NEDD4: variants seen among roughly 807,000 people sequenced by gnomAD.
NEDD4 encodes the protein E3 ubiquitin-protein ligase NEDD4.
A neutral mutation model predicts 144.9 loss-of-function variants in NEDD4; 99 were observed. The observed-to-expected ratio is 0.68, with a 90% CI of 0.58 to 0.81. The LOEUF (loss-of-function observed/expected upper bound fraction) is 0.81. NEDD4 is among the 30% of genes least tolerant of loss of function. The pLI, the probability that NEDD4 is intolerant of heterozygous loss-of-function variation, is 0.00. For synonymous variants in NEDD4, 318 were observed against 350.6 expected (o/e 0.91, Z 1.04); for missense variants, 985 against 1,065.9 (o/e 0.92, Z 1.06).
chr15:55,944,193 C>A (rs1387286731), intron 4 of NEDD4, among the ~76,000 whole-genome samples: 1 of 152,208 alleles, frequency 6.6e-6, no homozygotes, highest in Admixed American at 6.5e-5. Flanking sequence ...CATTGCCTCA[C>A]CTCGGAAGTG....
Position 55,951,430 on chromosome 15 carries a change from C to T in NEDD4, c.199-16G>A, listed in dbSNP as rs1470930131. The T allele has an allele frequency of 6.1e-6, 7 of 1,150,124 alleles. No individual in the cohort carries two copies. The South Asian group carries it at 7.6e-5, about 12-fold the overall frequency. 71.2% of individuals were successfully genotyped at this position (1,150,124 alleles called of 1,614,324 possible). A position where few individuals can be genotyped will look rare whatever the true frequency, so the allele number is the denominator to read the frequency against. On this transcript the variant is annotated splice_polypyrimidine_tract_variant and intron_variant, in intron 3 of 28. Transcript: ENST00000435532. ...GATTCAAACTCTAAAAAATAATAAA[C>T]ATAGTATAACTAAATAAGGTTTTGT...
intron 5 of NEDD4, among the ~76,000 whole-genome samples, chr15:55,883,696 AACACACACACAC>A (rs3049242): frequency 1.4e-4 from 16 of 112,126 alleles, no homozygotes; most frequent in South Asian, 6.7e-4. Context: ...CACACACACA[AACACACACACAC>A]ACACACACAC....
At chr15:55,906,611 A>G (rs1373199526) in intron 5 of NEDD4, among the ~76,000 whole-genome samples, 1 of 148,472 alleles carries the variant, frequency 6.7e-6, no homozygotes, top group Admixed American at 6.8e-5. Flanking sequence ...GAAGGGGAAC[A>G]TCACACACCG....
intron 5 of NEDD4, among the ~76,000 whole-genome samples, chr15:55,898,084 G>T (rs1280562004): frequency 6.6e-6 from 1 of 152,126 alleles, no homozygotes; most frequent in African/African-American, 2.4e-5. Context: ...CAACTCAAGT[G>T]GACTTAGATT....
At chr15:55,850,214 T>A (rs2033928450) in intron 14 of NEDD4, among the ~76,000 whole-genome samples, 2 of 152,168 alleles carry the variant, frequency 1.3e-5, no homozygotes, top group Admixed American at 6.6e-5. Flanking sequence ...TTAAATGAGA[T>A]ATGGATTCAA....
intron 24 of NEDD4, among the ~76,000 whole-genome samples, chr15:55,834,812 G>C (rs986958551): frequency 2.0e-5 from 3 of 152,132 alleles, no homozygotes; most frequent in Admixed American, 1.3e-4. Flanking sequence ...CAGTAGGTAA[G>C]TGTAAGTTCT....
chr15:55,982,695 T>C (rs1172418896), intron 1 of NEDD4, among the ~76,000 whole-genome samples: 2 of 152,196 alleles, frequency 1.3e-5, no homozygotes, highest in Non-Finnish European at 2.9e-5. Flanking sequence ...AATTATACAT[T>C]TATAATCTGT....
In NEDD4 at chr15:55,830,573, T is replaced by C; in HGVS notation, c.2541A>G (p.Pro847=). The change falls in exon 28 of 29, where the codon CCA becomes CCG. Residue 847 remains proline (P), a synonymous_variant. Coordinates refer to ENST00000435532, the MANE Select transcript of NEDD4 (RefSeq NM_006154.4). ...CCCACTGTTCAACTGTAAATGACTG[T>C]GGTCCATTTGAACCTATAAGGAAGA... ...GFAELYGSNG[P]QSFTVEQWGT... 1 of 1,614,106 alleles carries C rather than the reference T, an allele frequency of 6.2e-7. No homozygotes were observed. Among genetic ancestry groups the C allele is most frequent in the South Asian group, 1.1e-5 (1 of 91,084 alleles).
intron 2 of NEDD4, 129 bp downstream of exon 2, chr15:55,966,344 G>C: frequency 3.4e-6 from 2 of 588,340 alleles, no homozygotes; most frequent in Non-Finnish European, 5.9e-6. Flanking sequence ...CCACCAACTG[G>C]TAATATTATT....
At chr15:55,893,206 A>G (rs1171471385) in intron 5 of NEDD4, among the ~76,000 whole-genome samples, 1 of 152,108 alleles carries the variant, frequency 6.6e-6, no homozygotes, top group Non-Finnish European at 1.5e-5. Flanking sequence ...TTACATTTGT[A>G]TTAGTATCTT....
chr15:55,984,020 A>C (rs2037849892), intron 1 of NEDD4, among the ~76,000 whole-genome samples: 3 of 152,180 alleles, frequency 2.0e-5, no homozygotes, highest in Non-Finnish European at 4.4e-5. Context: ...TAAAATCGGT[A>C]AAGTATATTC....
At chr15:55,973,668 C>T (rs1330046174) in intron 1 of NEDD4, among the ~76,000 whole-genome samples, 1 of 151,990 alleles carries the variant, frequency 6.6e-6, no homozygotes, top group African/African-American at 2.4e-5. Context: ...ACAGTATGCT[C>T]CTGAATGATT....
intron 6 of NEDD4, among the ~76,000 whole-genome samples, chr15:55,873,033 T>A (rs1184018860): frequency 6.6e-6 from 1 of 152,160 alleles, no homozygotes; most frequent in Non-Finnish European, 1.5e-5. Flanking sequence ...CAGTTGTTAG[T>A]TTTTATTATC....
chr15:55,882,721 C>T (rs549499684), intron 5 of NEDD4, among the ~76,000 whole-genome samples: 2 of 152,096 alleles, frequency 1.3e-5, no homozygotes, highest in Non-Finnish European at 2.9e-5. Flanking sequence ...CGTGTGCCAC[C>T]CCTACACCAA....
intron 1 of NEDD4, among the ~76,000 whole-genome samples, chr15:55,975,004 T>C (rs1259650121): frequency 6.7e-6 from 1 of 149,876 alleles, no homozygotes; most frequent in Non-Finnish European, 1.5e-5. Context: ...ACGATTCTCC[T>C]GCCTCAGCCT....
At chr15:55,832,156 T>C (rs1233574279) in intron 27 of NEDD4, among the ~76,000 whole-genome samples, 2 of 141,682 alleles carry the variant, frequency 1.4e-5, no homozygotes, top group African/African-American at 5.3e-5. Context: ...AATAGTAGCC[T>C]AATGAGATTC....
chr15:55,846,943 A>G (rs779363644), intron 18 of NEDD4, 26 bp downstream of exon 18: 54 of 1,378,344 alleles, frequency 3.9e-5, no homozygotes, highest in Non-Finnish European at 5.6e-5. Flanking sequence ...GATGACTCTT[A>G]AGTATTTATT....
intron 4 of NEDD4, among the ~76,000 whole-genome samples, chr15:55,926,572 A>C (rs1183881216): frequency 2.0e-5 from 3 of 152,178 alleles, no homozygotes; most frequent in Non-Finnish European, 4.4e-5. Context: ...GTTGGAGACC[A>C]GCCTGGGCAT....
intron 1 of NEDD4, among the ~76,000 whole-genome samples, chr15:55,980,212 C>T (rs1445144832): frequency 3.3e-5 from 5 of 152,190 alleles, no homozygotes; most frequent in African/African-American, 1.2e-4. Flanking sequence ...GGATTTCAGG[C>T]GTGAGCCACT....
Sources: allele counts gnomAD v4.1 joint callset (sites outside exome capture counted in the v4.1 genomes callset), GRCh38; gene constraint gnomAD v4.1.1; transcripts MANE v1.5; gene names NCBI Gene and HGNC (gene_info 2026-07-23, HGNC 2026-07-21).